The following ZNF365 variants were observed in gnomAD, a reference collection of about 807,000 sequenced individuals.
The protein encoded by ZNF365 is protein ZNF365.
A neutral mutation model predicts 35.0 loss-of-function variants in ZNF365; 22 were observed. The observed-to-expected ratio is 0.63, with a 90% CI of 0.45 to 0.90. The LOEUF (loss-of-function observed/expected upper bound fraction) is 0.90. ZNF365 is among the 40% of genes least tolerant of loss of function. ZNF365 has a pLI of 0.00. For missense variants in ZNF365, 448 were observed against 500.3 expected, an observed-to-expected ratio of 0.90 and a Z score of 1.00; for synonymous variants, 188 against 196.2, an observed-to-expected ratio of 0.96 and a Z score of 0.35.
chr10:62,398,664 A>C, intron 3 of ZNF365, 76 bp from the exon 4 acceptor site: 1 of 1,388,260 alleles, frequency 7.2e-7, no homozygotes, highest in Non-Finnish European at 1.0e-6. Context: ...GTTTTTAGAA[A>C]GTATAAGAAA....
At chr10:62,415,873 C>T (rs1840065839) in intron 3 of ZNF365, among the ~76,000 whole-genome samples, 1 of 152,120 alleles carries the variant, frequency 6.6e-6, no homozygotes, top group Non-Finnish European at 1.5e-5. Context: ...TGCCTCTTAC[C>T]AACTCACCTT....
chr10:62,478,904 G>A (rs191433232), intron 4 of ZNF365, among the ~76,000 whole-genome samples: 2 of 152,298 alleles, frequency 1.3e-5, no homozygotes, highest in Admixed American at 6.5e-5. Context: ...CTTAAACAAT[G>A]TTTTAAAATT....
chr10:62,480,044 G>A (rs1841197704), exon 5 of ZNF365: 3 of 1,411,096 alleles, frequency 2.1e-6, no homozygotes, highest in South Asian at 1.5e-5. Context: ...GGGCTACTTG[G>A]TGACTTTACT....
intron 3 of ZNF365, among the ~76,000 whole-genome samples, chr10:62,448,317 T>C (rs1365281487): frequency 6.6e-6 from 1 of 152,184 alleles, no homozygotes; most frequent in Non-Finnish European, 1.5e-5. Context: ...ACAGAGTCCC[T>C]TTCCCACCAG....
chr10:62,389,720 T>G (rs1046888565), intron 3 of ZNF365, among the ~76,000 whole-genome samples: 4 of 152,176 alleles, frequency 2.6e-5, no homozygotes, highest in Non-Finnish European at 5.9e-5. Context: ...TCCTACATGG[T>G]GCTTGTTGTA....
At chr10:62,391,979 A>G (rs1234381383) in intron 3 of ZNF365, among the ~76,000 whole-genome samples, 2 of 152,124 alleles carry the variant, frequency 1.3e-5, no homozygotes, top group African/African-American at 2.4e-5. Flanking sequence ...TGTGGTTTTG[A>G]TTTGCATTTC....
intron 4 of ZNF365, among the ~76,000 whole-genome samples, chr10:62,468,280 CA>C (rs951941590): frequency 3.3e-5 from 5 of 152,102 alleles, no homozygotes; most frequent in Non-Finnish European, 5.9e-5. Flanking sequence ...CATAAATATA[CA>C]TGTGTGAGAA....
Position 62,376,303 on chromosome 10 carries a change from T to G in ZNF365, c.110T>G (p.Phe37Cys). ...CCGAGGTGTGGAGACCATACCAGAT[T>G]TAGAAGCTTGTCATCCTTGAGGGCC... ...RCPRCGDHTRFRSLSSLRAHL... is the reference protein window; with the variant it reads ...RCPRCGDHTRCRSLSSLRAHL... The change falls in exon 2 of 5, where the codon TTT becomes TGT. Residue 37 changes from phenylalanine to cysteine, a missense_variant. By Grantham distance (205) the Phe-to-Cys change is radical. This residue lies in a region of ZNF365 where 76 missense variants were observed against 96.7 expected (regional missense o/e 0.79). Transcript: ENST00000395254. 6.2e-7 allele frequency: 1 copy of G among 1,614,106 alleles called. No individual in the cohort carries two copies.
intron 3 of ZNF365, among the ~76,000 whole-genome samples, chr10:62,448,813 A>C (rs1564593886): frequency 6.6e-6 from 1 of 152,210 alleles, no homozygotes; most frequent in Non-Finnish European, 1.5e-5. Context: ...ATCTTTATTC[A>C]AAGCATAATC....
At chr10:62,462,845 A>G (rs16917264) in intron 4 of ZNF365, among the ~76,000 whole-genome samples, 31,553 of 152,162 alleles carry the variant, frequency 0.21, 4,616 homozygotes, top group African/African-American at 0.42. Flanking sequence ...TATTTCAAAT[A>G]TTGAATGCCT....
chr10:62,445,174 A>G (rs372286105), intron 3 of ZNF365, among the ~76,000 whole-genome samples: 23 of 150,756 alleles, frequency 1.5e-4, no homozygotes, highest in African/African-American at 5.4e-4. Flanking sequence ...CCAGTCTATC[A>G]TTGTTGGACA....
chr10:62,432,067 T>C (rs1840342798), intron 3 of ZNF365, among the ~76,000 whole-genome samples: 1 of 152,136 alleles, frequency 6.6e-6, no homozygotes, highest in East Asian at 1.9e-4. Context: ...TGTTGGAAGA[T>C]GTTTAAGCTA....
chr10:62,379,417 T>C (rs1839395734), intron 2 of ZNF365, among the ~76,000 whole-genome samples: 1 of 152,094 alleles, frequency 6.6e-6, no homozygotes, highest in Admixed American at 6.5e-5. Context: ...GAAAGCGCAG[T>C]GAAATTGCCT....
rs575929886 is a variant in ZNF365, at chr10:62,448,587, C to T, written c.925-11154C>T. Among the ~76,000 whole-genome samples, 12 of 152,166 alleles carry T rather than the reference C, an allele frequency of 7.9e-5. No individual in the cohort carries two copies. The East Asian group carries it at 1.9e-3, about 24-fold the overall frequency. On this transcript the variant is annotated intron_variant, in intron 3 of 4. Transcript: ENST00000395255. ...TGCACCCAGAATCCTAACACATAAACGGTCCCCTTTAATTCTAATTAATGC... is the reference window on the plus strand; with the variant it reads ...TGCACCCAGAATCCTAACACATAAATGGTCCCCTTTAATTCTAATTAATGC...
chr10:62,412,670 C>A (rs754570562), intron 3 of ZNF365, among the ~76,000 whole-genome samples: 4 of 152,032 alleles, frequency 2.6e-5, no homozygotes, highest in Non-Finnish European at 5.9e-5. Flanking sequence ...TGAATAACTC[C>A]CATTCACAAT....
At chr10:62,451,138 A>G (rs952289941) in intron 3 of ZNF365, among the ~76,000 whole-genome samples, 1 of 152,078 alleles carries the variant, frequency 6.6e-6, no homozygotes, top group Non-Finnish European at 1.5e-5. Context: ...TTGTGAGCAA[A>G]CTCGTGCGTG....
At chr10:62,446,937 C>T (rs1241498967) in intron 3 of ZNF365, among the ~76,000 whole-genome samples, 5 of 152,116 alleles carry the variant, frequency 3.3e-5, no homozygotes, top group African/African-American at 7.2e-5. Context: ...GCTGAGATGG[C>T]CTTGGCTAAT....
chr10:62,454,146 C>T (rs1840726315), intron 3 of ZNF365, among the ~76,000 whole-genome samples: 1 of 152,204 alleles, frequency 6.6e-6, no homozygotes, highest in Non-Finnish European at 1.5e-5. Flanking sequence ...ACACCTTCCT[C>T]ATAGGGAACT....
intron 2 of ZNF365, among the ~76,000 whole-genome samples, chr10:62,378,495 T>C (rs1839373521): frequency 6.6e-6 from 1 of 152,118 alleles, no homozygotes; most frequent in Admixed American, 6.6e-5. Context: ...TATGCATGGG[T>C]CAGTTACATG....
Sources: allele counts gnomAD v4.1 joint callset (sites outside exome capture counted in the v4.1 genomes callset), GRCh38; gene constraint gnomAD v4.1.1; regional missense constraint gnomAD v4.1.1; transcripts MANE v1.5; gene names NCBI Gene and HGNC (gene_info 2026-07-23, HGNC 2026-07-21).